CDH13: variants seen among roughly 807,000 people sequenced by gnomAD.
CDH13 encodes cadherin-13.
Under a neutral mutation model 63.8 loss-of-function variants are expected in CDH13, and 24 were observed. The observed-to-expected ratio is 0.38, with a 90% confidence interval of 0.27 to 0.53. The LOEUF is 0.53. Ranked by LOEUF, CDH13 falls within the 20% of genes least tolerant of loss-of-function variation. The probability of loss-of-function intolerance (pLI) is 0.85; values close to 1 mark genes in which losing one functional copy is unlikely to be tolerated. For missense variants in CDH13, 1,049 were observed against 903.1 expected (o/e 1.16, Z -2.07); for synonymous variants, 503 against 355.3 (o/e 1.42, Z -4.67).
chr16:83,604,316 C>T (rs1020715584), intron 8 of CDH13, among the ~76,000 whole-genome samples: 1 of 152,194 alleles, frequency 6.6e-6, no homozygotes, highest in Non-Finnish European at 1.5e-5. Context: ...ACAGACTGCT[C>T]ACTCTTGCCA....
chr16:83,131,555 T>C lies in CDH13; in HGVS notation c.483+6054T>C, dbSNP rs554492398. Among the ~76,000 whole-genome samples the C allele has an allele frequency of 5.3e-5, 8 of 152,296 alleles. No homozygotes were observed. In the East Asian group the frequency reaches 1.5e-3, roughly 29 times the overall value. On this transcript the variant is annotated intron_variant, in intron 4 of 13. Coordinates refer to ENST00000567109, the MANE Select transcript of CDH13 (RefSeq NM_001257.5). ...CAACTTTCACTGATAACTAATTGAT[T>C]GCATCTTTAAAGATTTTTGAGTTCT...
At chr16:83,534,870 T>C (rs1447054525) in intron 7 of CDH13, among the ~76,000 whole-genome samples, 1 of 152,266 alleles carries the variant, frequency 6.6e-6, no homozygotes, top group African/African-American at 2.4e-5. Flanking sequence ...CATGATTTTA[T>C]TGATAATGAT....
At chr16:82,777,215 C>T (rs147498573) in intron 1 of CDH13, among the ~76,000 whole-genome samples, 5 of 152,292 alleles carry the variant, frequency 3.3e-5, no homozygotes, top group African/African-American at 1.2e-4. Context: ...GCAATCCTCT[C>T]GCCTCCACTT....
rs558391014 is a variant in CDH13, at chr16:82,800,039, T to G, written c.46-58323T>G. Among the ~76,000 whole-genome samples the G allele has an allele frequency of 8.5e-5, 13 of 152,326 alleles. No homozygotes were observed. The South Asian group carries it at 1.2e-3, about 15-fold the overall frequency. On this transcript the variant is annotated intron_variant, in intron 1 of 13. Transcript: ENST00000567109. ...TACTACACTCGAATGACATCACATC[T>G]TTGTTAGCAGTTGTGGTTGGTGCCA...
At chr16:82,879,452 GA>G (rs1427785593) in intron 2 of CDH13, among the ~76,000 whole-genome samples, 2 of 142,478 alleles carry the variant, frequency 1.4e-5, no homozygotes, top group African/African-American at 2.6e-5. Flanking sequence ...TATATATGTA[GA>G]AAAATATATA....
chr16:83,009,989 G>T (rs1007167515), intron 2 of CDH13, among the ~76,000 whole-genome samples: 1 of 151,936 alleles, frequency 6.6e-6, no homozygotes, highest in African/African-American at 2.4e-5. Context: ...CAAAAAATTA[G>T]CTGGGCATGG....
At chr16:82,631,181 CTG>C (rs1176014565) in intron 1 of CDH13, among the ~76,000 whole-genome samples, 1 of 152,162 alleles carries the variant, frequency 6.6e-6, no homozygotes, top group Non-Finnish European at 1.5e-5. Context: ...TTCTTTGACT[CTG>C]TATCCCCTCT....
chr16:83,102,520 A>G (rs1386298894), intron 3 of CDH13, among the ~76,000 whole-genome samples: 1 of 152,114 alleles, frequency 6.6e-6, no homozygotes, highest in Non-Finnish European at 1.5e-5. Context: ...ATGAGATTAC[A>G]TGACACACTG....
At chr16:82,761,017 C>CTATTTTTTTTTTT (rs2034820124) in intron 1 of CDH13, among the ~76,000 whole-genome samples, 1 of 40,452 alleles carries the variant, frequency 2.5e-5, no homozygotes, top group Non-Finnish European at 4.6e-5. Context: ...TTCTTTCTTT[C>CTATTTTTTTTTTT]TTTTTTTTTT....
intron 7 of CDH13, among the ~76,000 whole-genome samples, chr16:83,562,433 G>A (rs1051286125): frequency 3.9e-5 from 6 of 152,112 alleles, no homozygotes; most frequent in Non-Finnish European, 5.9e-5. Context: ...TGTCTCAATC[G>A]GATTCAGGAA....
intron 2 of CDH13, among the ~76,000 whole-genome samples, chr16:82,882,899 C>T (rs1401037385): frequency 2.0e-5 from 3 of 152,068 alleles, no homozygotes; most frequent in African/African-American, 4.8e-5. Context: ...TAAAATGGAG[C>T]TGTTTAAATG....
chr16:82,833,849 T>C (rs969790518), intron 1 of CDH13, among the ~76,000 whole-genome samples: 7 of 152,184 alleles, frequency 4.6e-5, no homozygotes, highest in African/African-American at 1.7e-4. Flanking sequence ...TCCTGGTTGA[T>C]GCGATTATAA....
chr16:83,314,463 C>T (rs932853708), intron 5 of CDH13, among the ~76,000 whole-genome samples: 3 of 151,968 alleles, frequency 2.0e-5, no homozygotes, highest in African/African-American at 7.3e-5. Context: ...GACAGAGCAC[C>T]CTCTGTGATT....
At chr16:83,751,231 G>T (rs1273667843) in intron 11 of CDH13, among the ~76,000 whole-genome samples, 1 of 152,162 alleles carries the variant, frequency 6.6e-6, no homozygotes, top group African/African-American at 2.4e-5. Flanking sequence ...ATCGTGAAAT[G>T]CTCCACATGC....
intron 1 of CDH13, chr16:82,705,089 T>C (rs1164314443): frequency 8.8e-6 from 4 of 455,588 alleles, no homozygotes; most frequent in African/African-American, 8.0e-5. Context: ...CATATACCTA[T>C]GTCAAAACCT....
chr16:82,759,968 T>G (rs2034770378), intron 1 of CDH13, among the ~76,000 whole-genome samples: 1 of 152,216 alleles, frequency 6.6e-6, no homozygotes, highest in South Asian at 2.1e-4. Context: ...AATTTATGTC[T>G]TCTCAAACAC....
At chr16:82,799,760 A>C (rs2036760007) in intron 1 of CDH13, among the ~76,000 whole-genome samples, 1 of 152,196 alleles carries the variant, frequency 6.6e-6, no homozygotes, top group South Asian at 2.1e-4. Flanking sequence ...GAAAAGTGCC[A>C]ACAATGTGGC....
intron 1 of CDH13, among the ~76,000 whole-genome samples, chr16:82,781,453 C>G (rs566654119): frequency 6.6e-6 from 1 of 152,046 alleles, no homozygotes; most frequent in Non-Finnish European, 1.5e-5. Context: ...AGGTCATTCT[C>G]CATCCATTTG....
In CDH13 at chr16:83,342,762, G is replaced by C. The variant is rs189724995; in HGVS notation, c.637-2100G>C. On this transcript the variant is annotated intron_variant, in intron 5 of 13. Transcript: ENST00000567109. ...ATCCTACTTGTAGCTTATGATACTG[G>C]CCAAGTCTTATAGAATGTAGAATCT... Among the ~76,000 whole-genome samples the C allele has an allele frequency of 1.1e-4, 17 of 151,104 alleles. 1 individual carries two copies. The East Asian group carries it at 3.3e-3, about 29-fold the overall frequency.
Sources: gnomAD v4.1 joint callset for allele counts (sites outside exome capture counted in the v4.1 genomes callset) on GRCh38, gnomAD v4.1.1 for gene constraint, MANE v1.5 for transcripts, NCBI Gene and HGNC (gene_info 2026-07-23, HGNC 2026-07-21) for gene names.